The following TUB variants were observed in gnomAD, a reference collection of about 807,000 sequenced individuals.
The protein encoded by TUB is tubby protein homolog.
TUB carries 33 observed loss-of-function variants against 59.7 expected under a neutral mutation model. The observed-to-expected ratio is 0.55, with a 90% CI of 0.42 to 0.74. The LOEUF is 0.74. Among genes scored for constraint, TUB ranks in the 30% least tolerant of loss-of-function variants. The pLI is 0.00. For missense variants in TUB, 659 were observed against 672.0 expected, an observed-to-expected ratio of 0.98 and a Z score of 0.21; for synonymous variants, 293 against 256.4, an observed-to-expected ratio of 1.14 and a Z score of -1.36.
Position 8,101,593 on chromosome 11 carries a change from T to C in TUB, c.1495T>C (p.Phe499Leu), listed in dbSNP as rs1944308943. The C allele has an allele frequency of 1.2e-6, 2 of 1,614,120 alleles. No individual in the cohort carries two copies. The highest frequency in any genetic ancestry group is 1.7e-5 in the Admixed American group (1 of 60,012). The change falls in exon 12 of 12, where the codon TTC becomes CTC. Residue 499 changes from phenylalanine to leucine, a missense_variant. Physicochemically the swap from Phe to Leu is conservative, Grantham distance 22 (BLOSUM62 0). This residue lies in a region of TUB where 226 missense variants were observed against 210.8 expected (regional missense o/e 1.07). Coordinates refer to ENST00000299506, the MANE Select transcript of TUB (RefSeq NM_177972.3). ...LQAFAIALSS[F>L]DSKLACE Reference sequence around the variant, plus strand: ...GGCCTTTGCCATTGCCCTGTCCAGCTTCGACAGCAAGCTGGCGTGCGAGTA... The same window carrying C: ...GGCCTTTGCCATTGCCCTGTCCAGCCTCGACAGCAAGCTGGCGTGCGAGTA...
chr11:8,092,324 C>T (rs1336442233), intron 3 of TUB, among the ~76,000 whole-genome samples: 3 of 151,852 alleles, frequency 2.0e-5, no homozygotes, highest in Non-Finnish European at 1.5e-5. Flanking sequence ...GTCCCAGCTA[C>T]GTAGGAGGAT....
chr11:8,089,666 G>GTAC lies in TUB; in HGVS notation c.90+7_90+8insCTA, dbSNP rs1350421717. On this transcript the variant is annotated splice_donor_region_variant and intron_variant, in intron 2 of 11. Coordinates refer to ENST00000299506, the MANE Select transcript of TUB (RefSeq NM_177972.3). ...CAGCAGAAGCTTGATCGGCAGGTGA[G>GTAC]TAGGCCTGGGGCCGGGTAGAAGGGA... 1 of 1,614,186 alleles carries GTAC rather than the reference G, an allele frequency of 6.2e-7. No homozygotes were observed. The highest frequency in any genetic ancestry group is 8.5e-7 in the Non-Finnish European group (1 of 1,180,014).
chr11:8,083,354 C>A (rs1343335559), intron 1 of TUB, among the ~76,000 whole-genome samples: 1 of 152,112 alleles, frequency 6.6e-6, no homozygotes, highest in Non-Finnish European at 1.5e-5. Flanking sequence ...GAGGTTGGGC[C>A]AGGCCAAGAC....
chr11:8,055,852 C>A (rs1406330361), intron 2 of TUB, among the ~76,000 whole-genome samples: 1 of 152,224 alleles, frequency 6.6e-6, no homozygotes, highest in Non-Finnish European at 1.5e-5. Flanking sequence ...GGCCTCCCTG[C>A]TCACCTTCCC....
intron 2 of TUB, among the ~76,000 whole-genome samples, chr11:8,074,777 C>T (rs1301272219): frequency 6.0e-5 from 8 of 134,326 alleles, no homozygotes; most frequent in East Asian, 2.3e-4. Flanking sequence ...GACGGAGTCT[C>T]GCTCTGTCAC....
chr11:8,081,580 C>A (rs1252930388), intron 1 of TUB, 32 bp downstream of exon 1: 1 of 1,508,736 alleles, frequency 6.6e-7, no homozygotes. Flanking sequence ...GCGCCCACCA[C>A]TCCCGACTCG....
At chr11:8,089,963 A>C in intron 2 of TUB, 106 bp from the exon 3 acceptor site, 1 of 1,429,438 alleles carries the variant, frequency 7.0e-7, no homozygotes, top group Non-Finnish European at 9.3e-7. Context: ...TTGGGGTGCC[A>C]AGGACATGGG....
At chr11:8,024,544 T>A (rs1044307449) in intron 1 of TUB, among the ~76,000 whole-genome samples, 4 of 152,122 alleles carry the variant, frequency 2.6e-5, no homozygotes, top group African/African-American at 9.7e-5. Context: ...TCAGGCATCA[T>A]CTTCTGTCAC....
chr11:8,091,773 G>A (rs1013665888), intron 3 of TUB, among the ~76,000 whole-genome samples: 1 of 152,134 alleles, frequency 6.6e-6, no homozygotes, highest in Non-Finnish European at 1.5e-5. Context: ...CACAGAGCTG[G>A]CCCCAGCCCC....
intron 2 of TUB, among the ~76,000 whole-genome samples, chr11:8,061,323 A>C (rs1391647024): frequency 6.6e-6 from 1 of 152,094 alleles, no homozygotes; most frequent in Admixed American, 6.5e-5. Flanking sequence ...CTCTCAGTAA[A>C]CTGAGGCAAG....
At chr11:8,054,166 C>A (rs1157860061) in intron 2 of TUB, among the ~76,000 whole-genome samples, 1 of 152,146 alleles carries the variant, frequency 6.6e-6, no homozygotes, top group Non-Finnish European at 1.5e-5. Context: ...CTTGGTCTGG[C>A]ACCTTTCTTG....
At chr11:8,023,623 G>T (rs776391281) in intron 1 of TUB, among the ~76,000 whole-genome samples, 1 of 152,166 alleles carries the variant, frequency 6.6e-6, no homozygotes, top group East Asian at 1.9e-4. Context: ...CAGCTTTAAC[G>T]CAATAGGTTT....
intron 7 of TUB, 112 bp from the exon 8 acceptor site, chr11:8,097,602 C>T: frequency 7.7e-7 from 1 of 1,297,702 alleles, no homozygotes; most frequent in Non-Finnish European, 1.1e-6. Context: ...TGTGTGTGCA[C>T]ATATGTGCGT....
In TUB at chr11:8,066,929, C is replaced by T. The variant is rs1258651280; in HGVS notation, c.204-22681C>T. On this transcript the variant is annotated intron_variant, in intron 2 of 12. Transcript: ENST00000305253. Reference sequence around the variant, plus strand: ...GAATCCTCTGGATAACCTTTGCAGCCCATTACCTCCCCCAAATGCACACAC... The same window carrying T: ...GAATCCTCTGGATAACCTTTGCAGCTCATTACCTCCCCCAAATGCACACAC... Among the ~76,000 whole-genome samples the T allele has an allele frequency of 2.6e-5, 4 of 152,126 alleles. No individual in the cohort carries two copies. The East Asian group carries it at 7.7e-4, about 29-fold the overall frequency.
At position 8,081,377 on chromosome 11, in the gene TUB, G is replaced by T. The variant is rs1447172319; in HGVS notation, c.-134G>T. On this transcript the variant is annotated 5_prime_UTR_variant, in exon 1 of 12. Transcript: ENST00000299506. Reference sequence around the variant, plus strand: ...GCCGGGGCCCTGGCGTGCAGCGCGGGCCTCGGCGGGGCCCAGCGCCCCGGC... The same window carrying T: ...GCCGGGGCCCTGGCGTGCAGCGCGGTCCTCGGCGGGGCCCAGCGCCCCGGC... 2.2e-5 allele frequency: 22 copies of T among 993,420 alleles called. 1 individual carries two copies. 61.5% of individuals were successfully genotyped at this position (993,420 alleles called of 1,614,324 possible). A position where few individuals can be genotyped will look rare whatever the true frequency, so the allele number is the denominator to read the frequency against.
rs1346201113 is a variant in TUB, at chr11:8,105,360, G to A, written c.*3741G>A. The A allele has an allele frequency of 6.6e-6, 1 of 152,150 alleles. No homozygotes were observed. Among genetic ancestry groups the A allele is most frequent in the South Asian group, 2.1e-4 (1 of 4,822 alleles). 9.4% of individuals were successfully genotyped at this position (152,150 alleles called of 1,614,324 possible). On this transcript the variant is annotated 3_prime_UTR_variant, in exon 12 of 12. Coordinates refer to ENST00000299506, the MANE Select transcript of TUB (RefSeq NM_177972.3). ...GGGACTCTATACTACCCTGGGCTCT[G>A]GTCTGTAGGTTTGTAGTAGCCACCG...
rs1944371448 is a variant in TUB at position 8,103,037 on chromosome 11, T to C, written c.*1418T>C. The C allele has an allele frequency of 1.3e-5, 2 of 152,294 alleles. No individual in the cohort carries two copies. Among genetic ancestry groups the C allele is most frequent in the Non-Finnish European group, 2.9e-5 (2 of 68,086 alleles). 9.4% of individuals were successfully genotyped at this position (152,294 alleles called of 1,614,324 possible). ...AGGCAGTTCCCTGTTGAAAGTTGTC[T>C]GGCTTTTTGCACGTGAGTATGATCC... is the stretch of plus-strand genomic sequence containing the variant. On this transcript the variant is annotated 3_prime_UTR_variant, in exon 12 of 12. Coordinates refer to ENST00000299506, the MANE Select transcript of TUB (RefSeq NM_177972.3).
upstream of TUB, among the ~76,000 whole-genome samples, chr11:8,036,464 G>A (rs535314713): frequency 6.6e-6 from 1 of 152,346 alleles, no homozygotes; most frequent in South Asian, 2.1e-4. Flanking sequence ...TTAGAAGGCT[G>A]TGCTCACCAT....
intron 1 of TUB, among the ~76,000 whole-genome samples, chr11:8,022,905 CAAAA>C (rs1942450221): frequency 6.6e-6 from 1 of 152,052 alleles, no homozygotes; most frequent in Non-Finnish European, 1.5e-5. Context: ...AAAAACAAAA[CAAAA>C]CAAAACAAAA....
Sources: allele counts gnomAD v4.1 joint callset (sites outside exome capture counted in the v4.1 genomes callset), GRCh38; gene constraint gnomAD v4.1.1; regional missense constraint gnomAD v4.1.1; transcripts MANE v1.5; gene names NCBI Gene and HGNC (gene_info 2026-07-23, HGNC 2026-07-21).